Variants in COL19A1 observed in about 807,000 individuals in gnomAD.
The protein encoded by COL19A1 is collagen type XIX alpha 1 chain, also known as collagen alpha-1(XIX) chain.
In COL19A1, 159 loss-of-function variants were observed where a neutral mutation model predicts 190.2. The ratio of observed to expected loss-of-function variants is 0.84; its 90% confidence interval spans 0.73 to 0.95. The LOEUF is 0.95. COL19A1 is among the 40% of genes least tolerant of loss of function. The pLI is 0.00. For missense variants in COL19A1, 1,418 were observed against 1,431.9 expected (o/e 0.99, Z 0.16); for synonymous variants, 509 against 458.9 (o/e 1.11, Z -1.39).
At chr6:70,024,604 TGTGTGTGTGTGG>T (rs1778625635) in intron 12 of COL19A1, among the ~76,000 whole-genome samples, 1 of 150,484 alleles carries the variant, frequency 6.6e-6, no homozygotes, top group Admixed American at 6.7e-5. Flanking sequence ...TGTGTGTGTG[TGTGTGTGTGTGG>T]GTGTGTGGGT....
chr6:70,172,904 G>C (rs900655735), intron 41 of COL19A1, among the ~76,000 whole-genome samples: 10 of 152,170 alleles, frequency 6.6e-5, no homozygotes, highest in African/African-American at 2.4e-4. Context: ...CAGTAATCCA[G>C]GTGCCAGGTG....
At chr6:70,130,758 C>G (rs765781688) in intron 18 of COL19A1, among the ~76,000 whole-genome samples, 25 of 152,202 alleles carry the variant, frequency 1.6e-4, no homozygotes, top group Non-Finnish European at 1.0e-4. Flanking sequence ...GAGAACATAT[C>G]AAGGGGAAAT....
intron 4 of COL19A1, among the ~76,000 whole-genome samples, chr6:69,909,353 G>A (rs543496305): frequency 6.6e-6 from 1 of 152,074 alleles, no homozygotes; most frequent in East Asian, 1.9e-4. Flanking sequence ...CTCCTCTTAG[G>A]GGCAAGAAAT....
chr6:70,082,044 C>T (rs1387516069), intron 15 of COL19A1, among the ~76,000 whole-genome samples: 1 of 152,140 alleles, frequency 6.6e-6, no homozygotes, highest in Non-Finnish European at 1.5e-5. Flanking sequence ...TGATATTCTA[C>T]ATCAGTGAAA....
At chr6:69,915,096 G>A (rs976138231) in intron 4 of COL19A1, among the ~76,000 whole-genome samples, 5 of 152,100 alleles carry the variant, frequency 3.3e-5, no homozygotes, top group African/African-American at 9.7e-5. Context: ...ACACAGAGAC[G>A]TAACCATATT....
At chr6:70,038,259 A>T (rs980654127) in intron 14 of COL19A1, among the ~76,000 whole-genome samples, 25 of 152,246 alleles carry the variant, frequency 1.6e-4, no homozygotes, top group Non-Finnish European at 3.1e-4. Context: ...TCTACTGAAG[A>T]GTTAAAAAAC....
At chr6:70,119,696 C>A (rs1784772781) in intron 16 of COL19A1, among the ~76,000 whole-genome samples, 1 of 152,182 alleles carries the variant, frequency 6.6e-6, no homozygotes, top group Non-Finnish European at 1.5e-5. Context: ...TTTTCTTTAT[C>A]TTTGAATCAG....
Position 70,149,832 on chromosome 6 carries a change from T to C in COL19A1, c.1930-19T>C, listed in dbSNP as rs1246546761. ...GACCATCCTCATAAGTAACTGTTTTTATTTCCCTCCTTTTCCAGGGTCCTC... is the reference window on the plus strand; with the variant it reads ...GACCATCCTCATAAGTAACTGTTTTCATTTCCCTCCTTTTCCAGGGTCCTC... On this transcript the variant is annotated intron_variant, in intron 28 of 50. Transcript: ENST00000620364. 1 of 1,613,684 alleles carries C rather than the reference T, an allele frequency of 6.2e-7. No homozygotes were observed. The highest frequency in any genetic ancestry group is 1.7e-5 in the Admixed American group (1 of 59,954).
chr6:70,107,315 A>G (rs1401627570), intron 16 of COL19A1, among the ~76,000 whole-genome samples: 2 of 152,178 alleles, frequency 1.3e-5, no homozygotes, highest in Non-Finnish European at 2.9e-5. Context: ...GAGATGGTAT[A>G]GGATAGCATA....
rs1766380383 is a variant in COL19A1, at chr6:70,184,479, T to G, written c.2776-224T>G. Among the ~76,000 whole-genome samples the G allele has an allele frequency of 2.0e-5, 3 of 152,170 alleles. No homozygotes were observed. In the South Asian group the frequency reaches 6.2e-4, roughly 32 times the overall value. On this transcript the variant is annotated intron_variant, in intron 44 of 50. Transcript: ENST00000620364. ...GTGAAGAGATTGATGCTATTGAGGT[T>G]AAGTAAATTGCCCAAAAAGGTTAAT...
intron 15 of COL19A1, among the ~76,000 whole-genome samples, chr6:70,071,411 A>G (rs1781549271): frequency 6.6e-6 from 1 of 152,152 alleles, no homozygotes; most frequent in Non-Finnish European, 1.5e-5. Flanking sequence ...CTTAGTTTAT[A>G]AAGTGTTCAT....
chr6:69,922,064 G>T (rs554335034), intron 4 of COL19A1, among the ~76,000 whole-genome samples: 6 of 152,180 alleles, frequency 3.9e-5, no homozygotes, highest in African/African-American at 1.4e-4. Flanking sequence ...AAGACCCAGA[G>T]AAACTATTCT....
At chr6:70,182,958 G>A (rs1484651027) in intron 44 of COL19A1, among the ~76,000 whole-genome samples, 1 of 152,156 alleles carries the variant, frequency 6.6e-6, no homozygotes, top group Non-Finnish European at 1.5e-5. Flanking sequence ...GCAAATCCAT[G>A]AAGATTGACG....
At chr6:69,888,201 C>A (rs891403985) in intron 2 of COL19A1, among the ~76,000 whole-genome samples, 4 of 151,998 alleles carry the variant, frequency 2.6e-5, no homozygotes, top group Non-Finnish European at 5.9e-5. Flanking sequence ...ACAGACAAAG[C>A]CGGTTATTAG....
chr6:70,001,342 G>T (rs1370130003), intron 11 of COL19A1, among the ~76,000 whole-genome samples: 1 of 152,052 alleles, frequency 6.6e-6, no homozygotes, highest in African/African-American at 2.4e-5. Context: ...GGATTGTCTT[G>T]GCTATATGGG....
chr6:70,067,709 G>A (rs1014141415), intron 14 of COL19A1, among the ~76,000 whole-genome samples: 1 of 152,032 alleles, frequency 6.6e-6, no homozygotes, highest in African/African-American at 2.4e-5. Context: ...TGGTTGATTA[G>A]GGAAGAAAGA....
intron 1 of COL19A1, among the ~76,000 whole-genome samples, chr6:69,874,331 A>G (rs1470925164): frequency 6.6e-6 from 1 of 152,218 alleles, no homozygotes; most frequent in African/African-American, 2.4e-5. Flanking sequence ...TGTTTTTAAA[A>G]CATATACAAG....
At chr6:69,986,937 G>GTGTTC (rs1271136672) in intron 11 of COL19A1, among the ~76,000 whole-genome samples, 38 of 152,072 alleles carry the variant, frequency 2.5e-4, no homozygotes, top group Non-Finnish European at 4.6e-4. Context: ...GTGTTGTGTT[G>GTGTTC]TTTGAGACAG....
rs200468204 is a variant in COL19A1 at position 69,996,916 on chromosome 6, T to TTGTGTGTGTG, written c.1027-26697_1027-26688dup. Among the ~76,000 whole-genome samples the TTGTGTGTGTG allele has an allele frequency of 3.2e-3, 474 of 146,108 alleles. 7 individuals carry two copies. The highest frequency in any genetic ancestry group is 0.011 in the African/African-American group (442 of 39,702). On this transcript the variant is annotated intron_variant, in intron 11 of 50. Coordinates refer to ENST00000620364, the MANE Select transcript of COL19A1 (RefSeq NM_001858.6). ...TACATAATCTCTCTCTCAAAAAGACTTGTGTGTGTGTGTGTGTGTGTGTAT... is the reference window on the plus strand; with the variant it reads ...TACATAATCTCTCTCTCAAAAAGACTTGTGTGTGTGTGTGTGTGTGTGTGTGTGTGTGTAT...
Sources: allele counts gnomAD v4.1 joint callset (sites outside exome capture counted in the v4.1 genomes callset), GRCh38; gene constraint gnomAD v4.1.1; transcripts MANE v1.5; gene names NCBI Gene and HGNC (gene_info 2026-07-23, HGNC 2026-07-21).